DAPK2: variants seen among roughly 807,000 people sequenced by gnomAD.
DAPK2 encodes death-associated protein kinase 2.
DAPK2 carries 35 observed loss-of-function variants against 44.1 expected under a neutral mutation model. The ratio of observed to expected loss-of-function variants is 0.79; its 90% CI spans 0.61 to 1.05. The LOEUF is 1.05. Ranked by LOEUF, DAPK2 falls within the 50% of genes least tolerant of loss-of-function variation. DAPK2 has a pLI of 0.00. For missense variants in DAPK2, 453 were observed against 483.2 expected, an observed-to-expected ratio of 0.94 and a Z score of 0.59; for synonymous variants, 174 against 182.6, an observed-to-expected ratio of 0.95 and a Z score of 0.38.
In DAPK2 at chr15:63,923,263, AGT is replaced by A; in HGVS notation, c.858+1551_858+1552del. 6.5e-7 allele frequency: 1 copy of A among 1,535,782 alleles called. No homozygotes were observed. Among genetic ancestry groups the A allele is most frequent in the South Asian group, 1.2e-5 (1 of 84,052 alleles). On this transcript the variant is annotated intron_variant, in intron 8 of 10. Transcript: ENST00000261891. This position sits in a 1 kb window ranked among gnomAD's most constrained non-coding sequence, Gnocchi z 4.2. ...GAGGCATGCTTGAGTGGCATTTGAG[AGT>A]GTACTCTCTCAGGTGCTTGGTCTTC...
At chr15:63,913,352 A>C (rs7175901) in intron 8 of DAPK2, among the ~76,000 whole-genome samples, 10,688 of 152,304 alleles carry the variant, frequency 0.07, 895 homozygotes, top group African/African-American at 0.21. Context: ...ATTTTATGAT[A>C]TATAAATTAT....
At chr15:63,998,456 C>T (rs1437547364) in intron 1 of DAPK2, among the ~76,000 whole-genome samples, 3 of 152,232 alleles carry the variant, frequency 2.0e-5, no homozygotes, top group African/African-American at 4.8e-5. Context: ...AGGCTGCCTG[C>T]CACCACACTG....
intron 3 of DAPK2, among the ~76,000 whole-genome samples, chr15:63,957,806 G>T (rs776336351): frequency 1.3e-5 from 2 of 152,018 alleles, no homozygotes; most frequent in African/African-American, 4.8e-5. Context: ...GAATAGTGCC[G>T]CAATAAACAT....
chr15:64,008,820 A>G (rs1189115395), intron 1 of DAPK2, among the ~76,000 whole-genome samples: 1 of 152,234 alleles, frequency 6.6e-6, no homozygotes, highest in Non-Finnish European at 1.5e-5. Context: ...ACCTGCATAG[A>G]CATCCCTAAC....
intron 10 of DAPK2, 98 bp downstream of exon 11, chr15:63,911,810 A>G (rs767349118): frequency 1.5e-4 from 178 of 1,226,962 alleles, no homozygotes; most frequent in Non-Finnish European, 2.0e-4. Context: ...GAAACAGTGA[A>G]CACCCACCTG....
intron 3 of DAPK2, among the ~76,000 whole-genome samples, chr15:63,970,022 C>T (rs1046822565): frequency 1.3e-5 from 2 of 152,224 alleles, no homozygotes; most frequent in Non-Finnish European, 2.9e-5. Context: ...TTGACCTCTG[C>T]AAAAGATCTT....
intron 3 of DAPK2, among the ~76,000 whole-genome samples, chr15:63,942,475 C>G (rs576434550): frequency 6.6e-6 from 1 of 151,814 alleles, no homozygotes; most frequent in South Asian, 2.1e-4. Flanking sequence ...TCACTTGAAC[C>G]GGGGAGGTGG....
chr15:63,991,948 T>C (rs2078832386), intron 1 of DAPK2, among the ~76,000 whole-genome samples: 1 of 152,170 alleles, frequency 6.6e-6, no homozygotes, highest in Non-Finnish European at 1.5e-5. Flanking sequence ...CTGCAGCAGC[T>C]GCTTTTAGAG....
intron 2 of DAPK2, among the ~76,000 whole-genome samples, chr15:63,972,114 G>GTCTTT (rs1183309985): frequency 2.0e-5 from 3 of 152,216 alleles, no homozygotes; most frequent in Non-Finnish European, 4.4e-5. Context: ...CCATCTATGA[G>GTCTTT]GAAGTGAACC....
In DAPK2 at chr15:63,972,525, G is replaced by C. The variant is rs375034968; in HGVS notation, c.315-964C>G. Among the ~76,000 whole-genome samples, 5 of 152,342 alleles carry C rather than the reference G, an allele frequency of 3.3e-5. No homozygotes were observed. The East Asian group carries it at 9.6e-4, about 29-fold the overall frequency. ...TGATAATGTCTCAGATGGATATGAG[G>C]AACATGTTACTGGTCTGGTCAATGG... On this transcript the variant is annotated intron_variant, in intron 2 of 10. Coordinates refer to ENST00000261891, the Ensembl canonical transcript of DAPK2.
intron 3 of DAPK2, among the ~76,000 whole-genome samples, chr15:63,956,104 A>G (rs2077714926): frequency 6.6e-6 from 1 of 152,186 alleles, no homozygotes; most frequent in East Asian, 1.9e-4. Flanking sequence ...CACAGTAGCC[A>G]CTAATGATCC....
chr15:63,910,356 C>T (rs904696560), intron 10 of DAPK2, among the ~76,000 whole-genome samples: 4 of 152,162 alleles, frequency 2.6e-5, no homozygotes, highest in Admixed American at 6.5e-5. Context: ...GGCTGCTCAG[C>T]CCTCTTAGGC....
At position 64,020,055 on chromosome 15, in the gene DAPK2, T is replaced by C. The variant is rs1460640045; in HGVS notation, c.92+20115A>G. On this transcript the variant is annotated intron_variant, in intron 1 of 10. Coordinates refer to ENST00000261891, the Ensembl canonical transcript of DAPK2. This position sits in a 1 kb window ranked among gnomAD's most constrained non-coding sequence, Gnocchi z 4.5. ...AGCAGTCTCAGTGGCACCCGCAGGCTTTACTGTGCCATAAGCCATGGCTCT... is the reference window on the plus strand; with the variant it reads ...AGCAGTCTCAGTGGCACCCGCAGGCCTTACTGTGCCATAAGCCATGGCTCT... 6.6e-6 allele frequency among the ~76,000 whole-genome samples: 1 copy of C among 152,188 alleles called. No individual in the cohort carries two copies. Among genetic ancestry groups the C allele is most frequent in the Non-Finnish European group, 1.5e-5 (1 of 68,026 alleles).
At chr15:63,968,031 T>C (rs541279120) in intron 3 of DAPK2, among the ~76,000 whole-genome samples, 2 of 152,074 alleles carry the variant, frequency 1.3e-5, no homozygotes, top group Admixed American at 6.6e-5. Flanking sequence ...AAATCCATCA[T>C]GGAGAATGAA....
chr15:64,032,578 C>T (rs546693993), intron 1 of DAPK2, among the ~76,000 whole-genome samples: 21 of 152,254 alleles, frequency 1.4e-4, no homozygotes, highest in African/African-American at 4.8e-4. Context: ...CATGCAAGTA[C>T]GTGTGCCACA....
upstream of DAPK2, among the ~76,000 whole-genome samples, chr15:64,041,665 C>T (rs895074192): frequency 5.9e-5 from 9 of 152,224 alleles, no homozygotes; most frequent in African/African-American, 1.9e-4. Flanking sequence ...ACATGGGCTC[C>T]ACGAACCCCA....
In DAPK2 at chr15:63,971,539, C is replaced by T. The variant is rs553988389; in HGVS notation, c.337G>A (p.Asp113Asn). ...AGTGACTCCTTCTGGGCCAGGAAATCGAAGAGCTCTCCTCCAGACACTCTG... is the reference window on the plus strand; with the variant it reads ...AGTGACTCCTTCTGGGCCAGGAAATTGAAGAGCTCTCCTCCAGACACTCTG... Residue 113 changes from aspartate (D) to asparagine (N), a missense_variant, in exon 3 of 11, where the codon GAT becomes AAT. By Grantham distance (23) the Asp-to-Asn change is conservative. Transcript: ENST00000261891. 5.0e-5 allele frequency: 80 copies of T among 1,614,164 alleles called. No homozygotes were observed. Among genetic ancestry groups the T allele is most frequent in the African/African-American group, 4.7e-4 (35 of 75,042 alleles).
At chr15:63,930,349 T>C in intron 5 of DAPK2, 58 bp downstream of exon 6, 3 of 1,528,528 alleles carry the variant, frequency 2.0e-6, no homozygotes, top group Non-Finnish European at 2.7e-6. Context: ...GAGCAGGATC[T>C]GAGGCCTTCC....
chr15:63,951,894 G>T (rs1463873227), intron 3 of DAPK2, among the ~76,000 whole-genome samples: 1 of 152,206 alleles, frequency 6.6e-6, no homozygotes, highest in East Asian at 1.9e-4. Context: ...CTCAGCATGT[G>T]TTGGGCACTA....
Sources: allele counts gnomAD v4.1 joint callset (sites outside exome capture counted in the v4.1 genomes callset), GRCh38; gene constraint gnomAD v4.1.1; non-coding constraint Gnocchi (gnomAD v3.1); transcripts MANE v1.5; gene names NCBI Gene and HGNC (gene_info 2026-07-23, HGNC 2026-07-21).